The following ITGB6 variants were observed in gnomAD, a reference collection of about 807,000 sequenced individuals.
ITGB6 encodes the protein integrin beta-6.
In ITGB6, 80 loss-of-function variants were observed where a neutral mutation model predicts 84.5. The ratio of observed to expected loss-of-function variants is 0.95; its 90% CI spans 0.79 to 1.14. The LOEUF (loss-of-function observed/expected upper bound fraction) is 1.14. Ranked by LOEUF, ITGB6 falls within the 50% of genes most tolerant of loss-of-function variation. ITGB6 has a pLI of 0.00. For synonymous variants in ITGB6, 383 were observed against 354.9 expected, an observed-to-expected ratio of 1.08 and a Z score of -0.89; for missense variants, 1,006 against 968.0, an observed-to-expected ratio of 1.04 and a Z score of -0.52.
intron 10 of ITGB6, among the ~76,000 whole-genome samples, chr2:160,135,074 G>C (rs1397677492): frequency 1.3e-5 from 2 of 152,038 alleles, no homozygotes; most frequent in East Asian, 3.9e-4. Flanking sequence ...GCAGGAGAAA[G>C]AAATAAAGGG....
At chr2:160,163,398 G>C (rs1454535711) in intron 7 of ITGB6, among the ~76,000 whole-genome samples, 1 of 152,100 alleles carries the variant, frequency 6.6e-6, no homozygotes, top group Non-Finnish European at 1.5e-5. Context: ...TTGGGAAGTC[G>C]AGGTGGGTGG....
Position 160,101,599 on chromosome 2 carries a change from T to C in ITGB6, c.*137A>G. The C allele has an allele frequency of 1.5e-6, 1 of 658,962 alleles. No homozygotes were observed. Among genetic ancestry groups the C allele is most frequent in the Non-Finnish European group, 2.7e-6 (1 of 368,622 alleles). The allele number at this position is 658,962 out of a possible 1,614,324, so 40.8% of individuals were successfully genotyped here. A position where few individuals can be genotyped will look rare whatever the true frequency, so the allele number is the denominator to read the frequency against. On this transcript the variant is annotated 3_prime_UTR_variant, in exon 15 of 15. Coordinates refer to ENST00000283249, the MANE Select transcript of ITGB6 (RefSeq NM_000888.5). ...CTGCCAACAGTCTGTCACCTTCATG[T>C]AGAGGATGACTTATCTGCAGATGTC...
intron 10 of ITGB6, among the ~76,000 whole-genome samples, chr2:160,129,891 T>G (rs896043127): frequency 6.6e-6 from 1 of 152,120 alleles, no homozygotes. Context: ...TCTGTAGGTA[T>G]GTGTGTGCAT....
chr2:160,163,570 T>C (rs1257748211), intron 7 of ITGB6, among the ~76,000 whole-genome samples: 2 of 151,916 alleles, frequency 1.3e-5, no homozygotes, highest in Non-Finnish European at 2.9e-5. Context: ...AGGCGAAGGT[T>C]GCAGTGAGCT....
At chr2:160,181,876 C>T (rs1399125751) in intron 4 of ITGB6, among the ~76,000 whole-genome samples, 4 of 152,192 alleles carry the variant, frequency 2.6e-5, no homozygotes, top group African/African-American at 9.7e-5. Flanking sequence ...CAGCAAACTT[C>T]AGCAGACCTG....
At position 160,174,055 on chromosome 2, in the gene ITGB6, A is replaced by G; in HGVS notation, c.678T>C (p.Ile226=). ...LTNDAERFNE[I]VKNQKISANI... is the part of the protein sequence containing the mutation. ...TAGCAGAAATTTTCTGATTCTTCACAATTTCATTGAATCTTTCAGCATCAT... is the reference window on the plus strand; with the variant it reads ...TAGCAGAAATTTTCTGATTCTTCACGATTTCATTGAATCTTTCAGCATCAT... Residue 226 remains isoleucine, a synonymous_variant, in exon 5 of 15, where the codon ATT becomes ATC. Transcript: ENST00000283249. 1.2e-6 allele frequency: 2 copies of G among 1,613,080 alleles called. No individual in the cohort carries two copies. The highest frequency in any genetic ancestry group is 1.7e-6 in the Non-Finnish European group (2 of 1,179,708).
chr2:160,139,829 C>T (rs935871865), intron 8 of ITGB6, among the ~76,000 whole-genome samples: 2 of 152,130 alleles, frequency 1.3e-5, no homozygotes, highest in Non-Finnish European at 2.9e-5. Context: ...AGGAACTTAT[C>T]CTTGGGATTG....
chr2:160,104,256 T>C (rs1696825554), intron 14 of ITGB6, among the ~76,000 whole-genome samples: 1 of 152,190 alleles, frequency 6.6e-6, no homozygotes, highest in Non-Finnish European at 1.5e-5. Flanking sequence ...GGGTATTTCC[T>C]GGCCTCAGCT....
intron 6 of ITGB6, among the ~76,000 whole-genome samples, chr2:160,171,586 G>A (rs550451730): frequency 1.3e-5 from 2 of 152,134 alleles, no homozygotes; most frequent in Non-Finnish European, 2.9e-5. Context: ...CCACCGCCTC[G>A]GCCTCCCAAA....
At chr2:160,172,480 G>A (rs1394841127) in intron 6 of ITGB6, 89 bp downstream of exon 6, 2 of 1,243,642 alleles carry the variant, frequency 1.6e-6, no homozygotes, top group Non-Finnish European at 2.3e-6. Flanking sequence ...CTTTCACCAA[G>A]TGTATGTTAT....
chr2:160,113,346 A>C (rs747599617), intron 12 of ITGB6, among the ~76,000 whole-genome samples: 4 of 152,252 alleles, frequency 2.6e-5, no homozygotes, highest in Non-Finnish European at 4.4e-5. Flanking sequence ...ATAGCCATAG[A>C]TAGAAATATT....
chr2:160,101,419 G>A lies in ITGB6; in HGVS notation c.*317C>T, dbSNP rs1258381516. 1 of 282,880 alleles carries A rather than the reference G, an allele frequency of 3.5e-6. No homozygotes were observed. Among genetic ancestry groups the A allele is most frequent in the Non-Finnish European group, 6.6e-6 (1 of 151,658 alleles). 17.5% of individuals were successfully genotyped at this position (282,880 alleles called of 1,614,324 possible). On this transcript the variant is annotated 3_prime_UTR_variant, in exon 15 of 15. Transcript: ENST00000283249. ...GTAGCTGCATTCCTGAAACAAATGA[G>A]ACTCTAATTTCAAACATTTTTCAAA... is the stretch of plus-strand genomic sequence containing the variant.
chr2:160,116,501 C>T (rs1682774972), intron 12 of ITGB6, among the ~76,000 whole-genome samples: 1 of 152,180 alleles, frequency 6.6e-6, no homozygotes, highest in Non-Finnish European at 1.5e-5. Flanking sequence ...CCTAAAAGAG[C>T]TCCTGAAGGA....
chr2:160,105,165 A>G (rs963304115), intron 14 of ITGB6, among the ~76,000 whole-genome samples: 12 of 152,360 alleles, frequency 7.9e-5, no homozygotes, highest in African/African-American at 2.9e-4. Flanking sequence ...CTACCCAGTC[A>G]TTATCTAGTC....
In ITGB6 at chr2:160,120,034, T is replaced by G. The variant is rs1311937223; in HGVS notation, c.1981+3757A>C. Among the ~76,000 whole-genome samples the G allele has an allele frequency of 4.6e-5, 7 of 151,104 alleles. No homozygotes were observed. In the East Asian group the frequency reaches 1.4e-3, roughly 29 times the overall value. On this transcript the variant is annotated intron_variant, in intron 12 of 14. Transcript: ENST00000283249. ...AGGAAACAACAGGTGCTAGAGAGGA[T>G]GTGGAGAAATAGGAACACTTTTACA...
In ITGB6 at chr2:160,199,215, C is replaced by T; in HGVS notation, c.105G>A (p.Leu35=). 2 of 1,614,128 alleles carry T rather than the reference C, an allele frequency of 1.2e-6. No homozygotes were observed. Among genetic ancestry groups the T allele is most frequent in the South Asian group, 2.2e-5 (2 of 91,080 alleles). The change falls in exon 2 of 15, where the codon CTG becomes CTA. Residue 35 remains leucine, a synonymous_variant. Transcript: ENST00000283249. ...LGGAETCEDC[L]LIGPQCAWCA... ...ACCAGGCACACTGAGGTCCAATAAGCAGGCAGTCTTCACAGGTTTCTGCAC... is the reference window on the plus strand; with the variant it reads ...ACCAGGCACACTGAGGTCCAATAAGTAGGCAGTCTTCACAGGTTTCTGCAC...
chr2:160,109,059 T>G (rs1016487476), intron 13 of ITGB6, among the ~76,000 whole-genome samples: 2 of 152,202 alleles, frequency 1.3e-5, no homozygotes, highest in African/African-American at 4.8e-5. Flanking sequence ...TAAGTCTTAC[T>G]GCTTTTAGAT....
chr2:160,152,610 G>A (rs1479541589), intron 7 of ITGB6, among the ~76,000 whole-genome samples: 1 of 152,142 alleles, frequency 6.6e-6, no homozygotes, highest in African/African-American at 2.4e-5. Context: ...CAATCAGGCA[G>A]GAGAAAGAAA....
chr2:160,187,843 G>T (rs1295438901), intron 4 of ITGB6, among the ~76,000 whole-genome samples: 1 of 151,946 alleles, frequency 6.6e-6, no homozygotes, highest in Non-Finnish European at 1.5e-5. Context: ...ATGATTATGG[G>T]TATATATAAC....
Sources: gnomAD v4.1 joint callset for allele counts (sites outside exome capture counted in the v4.1 genomes callset) on GRCh38, gnomAD v4.1.1 for gene constraint, MANE v1.5 for transcripts, NCBI Gene and HGNC (gene_info 2026-07-23, HGNC 2026-07-21) for gene names.